The following TMEM255B variants were observed in gnomAD, a reference collection of about 807,000 sequenced individuals.
The protein encoded by TMEM255B is transmembrane protein 255B.
TMEM255B carries 35 observed loss-of-function variants against 34.5 expected under a neutral mutation model. The observed-to-expected ratio is 1.01, with a 90% CI of 0.77 to 1.34. TMEM255B has a LOEUF of 1.34. TMEM255B is among the 40% of genes most tolerant of loss of function. TMEM255B has a pLI of 0.00. For synonymous variants in TMEM255B, 206 were observed against 201.2 expected, an observed-to-expected ratio of 1.02 and a Z score of -0.20; for missense variants, 432 against 433.2, an observed-to-expected ratio of 1.00 and a Z score of 0.02.
chr13:113,811,673 T>A, intron 8 of TMEM255B, 63 bp from the exon 9 acceptor site: 4 of 1,593,030 alleles, frequency 2.5e-6, no homozygotes, highest in Non-Finnish European at 2.6e-6. Flanking sequence ...ATGTCAGGCT[T>A]CCCTGTGGTC....
chr13:113,783,578 G>A (rs1337612131), intron 3 of TMEM255B, among the ~76,000 whole-genome samples: 2 of 152,176 alleles, frequency 1.3e-5, no homozygotes, highest in Non-Finnish European at 2.9e-5. Flanking sequence ...CAAGTCAGAC[G>A]TGGAGAAAAT....
At chr13:113,801,016 T>C (rs3934938) in intron 6 of TMEM255B, 104 bp downstream of exon 6, 5,867 of 354,970 alleles carry the variant, frequency 0.017, 78 homozygotes, top group African/African-American at 0.055. Flanking sequence ...TGGGGACCCC[T>C]ATATCTACAC....
chr13:113,805,334 C>T (rs1310572957), intron 8 of TMEM255B, among the ~76,000 whole-genome samples: 1 of 152,214 alleles, frequency 6.6e-6, no homozygotes, highest in African/African-American at 2.4e-5. Flanking sequence ...GAGGCTCCTG[C>T]GTTTGTCTGC....
chr13:113,815,161 A>C lies in TMEM255B; in HGVS notation c.*3258A>C, dbSNP rs914021892. On this transcript the variant is annotated 3_prime_UTR_variant, in exon 9 of 9. Transcript: ENST00000375353. Reference sequence around the variant, plus strand: ...TACATTTCACACAGCAGCACTGCTCACAAGAGCTCCCAAGCAGAGGCAACT... The same window carrying C: ...TACATTTCACACAGCAGCACTGCTCCCAAGAGCTCCCAAGCAGAGGCAACT... 18 of 152,166 alleles carry C rather than the reference A, an allele frequency of 1.2e-4. No homozygotes were observed. The highest frequency in any genetic ancestry group is 4.4e-4 in the African/African-American group (18 of 41,374). The allele number at this position is 152,166 out of a possible 1,614,324, so 9.4% of individuals were successfully genotyped here. A position where few individuals can be genotyped will look rare whatever the true frequency, so the allele number is the denominator to read the frequency against.
chr13:113,766,329 A>C (rs750675104), intron 2 of TMEM255B, 72 bp downstream of exon 2: 1 of 1,601,930 alleles, frequency 6.2e-7, no homozygotes, highest in African/African-American at 1.3e-5. Context: ...GGTGGAGTCC[A>C]CGCCAGCTCA....
Position 113,815,393 on chromosome 13 carries a change from C to G in TMEM255B, c.*3490C>G, listed in dbSNP as rs544659667. 6.6e-6 allele frequency: 1 copy of G among 152,414 alleles called. No individual in the cohort carries two copies. The highest frequency in any genetic ancestry group is 1.5e-5 in the Non-Finnish European group (1 of 68,176). The allele number at this position is 152,414 out of a possible 1,614,324, so 9.4% of individuals were successfully genotyped here. A position where few individuals can be genotyped will look rare whatever the true frequency, so the allele number is the denominator to read the frequency against. On this transcript the variant is annotated 3_prime_UTR_variant, in exon 9 of 9. Coordinates refer to ENST00000375353, the MANE Select transcript of TMEM255B (RefSeq NM_182614.4). ...TCCGTCCACATGGGGTCACCGGCCA[C>G]GGAGAGAGGAAGGGACATGGGTGAT...
At chr13:113,803,603 G>A (rs1287494126) in intron 7 of TMEM255B, among the ~76,000 whole-genome samples, 1 of 118,766 alleles carries the variant, frequency 8.4e-6, no homozygotes, top group Non-Finnish European at 2.0e-5. Context: ...CAGCTCAGAG[G>A]CCTCCCCACC....
chr13:113,778,139 G>A (rs1449653065), intron 3 of TMEM255B, among the ~76,000 whole-genome samples: 2 of 152,220 alleles, frequency 1.3e-5, no homozygotes, highest in African/African-American at 4.8e-5. Context: ...CAGCAGGATC[G>A]GTGCAGGACA....
chr13:113,766,455 G>A (rs2050392764), intron 2 of TMEM255B, 198 bp downstream of exon 2: 1 of 788,738 alleles, frequency 1.3e-6, no homozygotes, highest in South Asian at 1.5e-5. Context: ...GCAGGTCCAA[G>A]GCAGAGGGGA....
chr13:113,812,398 G>A lies in TMEM255B; in HGVS notation c.*495G>A, dbSNP rs1426165014. 1.3e-5 allele frequency: 2 copies of A among 159,864 alleles called. No individual in the cohort carries two copies. The highest frequency in any genetic ancestry group is 4.8e-5 in the African/African-American group (2 of 41,486). The allele number at this position is 159,864 out of a possible 1,614,324, so 9.9% of individuals were successfully genotyped here. On this transcript the variant is annotated 3_prime_UTR_variant, in exon 9 of 9. Transcript: ENST00000375353. ...TATGCCAGGAAGGGAAGGACGCTTC[G>A]GCTCCAACGCCCAGCGCTGTGTCTA...
intron 3 of TMEM255B, among the ~76,000 whole-genome samples, chr13:113,772,718 C>T (rs2050497982): frequency 6.6e-6 from 1 of 152,214 alleles, no homozygotes; most frequent in African/African-American, 2.4e-5. Context: ...ATTGGCCATA[C>T]ATATATGGTT....
chr13:113,760,334 A>G (rs1204651874), intron 1 of TMEM255B, among the ~76,000 whole-genome samples: 2 of 152,230 alleles, frequency 1.3e-5, no homozygotes, highest in African/African-American at 2.4e-5. Flanking sequence ...GGATTAGTCT[A>G]TTGGTGTTTA....
At chr13:113,807,023 C>T (rs1479440111) in intron 8 of TMEM255B, among the ~76,000 whole-genome samples, 1 of 152,222 alleles carries the variant, frequency 6.6e-6, no homozygotes, top group East Asian at 1.9e-4. Flanking sequence ...AGAGGAGAGA[C>T]AACACGTGGT....
chr13:113,810,015 G>A (rs560463420), intron 8 of TMEM255B, among the ~76,000 whole-genome samples: 20 of 152,276 alleles, frequency 1.3e-4, no homozygotes, highest in African/African-American at 4.8e-4. Context: ...CAGTCCCTCT[G>A]AGGAAGGGCC....
At chr13:113,772,136 A>C (rs748627961) in intron 3 of TMEM255B, among the ~76,000 whole-genome samples, 2 of 152,154 alleles carry the variant, frequency 1.3e-5, no homozygotes, top group Non-Finnish European at 2.9e-5. Flanking sequence ...GGCCGTTTGC[A>C]TATGTTCTTG....
chr13:113,801,312 G>C (rs1367241363), intron 6 of TMEM255B, among the ~76,000 whole-genome samples: 5 of 152,208 alleles, frequency 3.3e-5, no homozygotes, highest in African/African-American at 4.8e-5. Flanking sequence ...CTTGGGACAG[G>C]GGCCCGTGAC....
chr13:113,801,889 GGGCC>G lies in TMEM255B; in HGVS notation c.669+78_669+81del, dbSNP rs905417407. 3 of 1,446,938 alleles carry G rather than the reference GGGCC, an allele frequency of 2.1e-6. No individual in the cohort carries two copies. In the Admixed American group the frequency reaches 7.5e-5, roughly 36 times the overall value. 89.6% of individuals were successfully genotyped at this position (1,446,938 alleles called of 1,614,324 possible). On this transcript the variant is annotated intron_variant, in intron 7 of 8. Transcript: ENST00000375353. Reference sequence around the variant, plus strand: ...GTCCATTTCCCCGGGGTGGGCTGGGGGGCCTCCAGCCCTCACTTTACAGATGGGG... The same window carrying G: ...GTCCATTTCCCCGGGGTGGGCTGGGGTCCAGCCCTCACTTTACAGATGGGG...
chr13:113,804,147 G>A (rs2138578912), intron 7 of TMEM255B, among the ~76,000 whole-genome samples: 1 of 152,332 alleles, frequency 6.6e-6, no homozygotes, highest in African/African-American at 2.4e-5. Flanking sequence ...AAGCCCTGAA[G>A]CTTGTGTGAG....
chr13:113,797,453 C>T (rs530323041), intron 4 of TMEM255B, among the ~76,000 whole-genome samples: 63 of 152,306 alleles, frequency 4.1e-4, no homozygotes, highest in Middle Eastern at 3.4e-3. Flanking sequence ...CATGGGGTTC[C>T]GGCACACCGC....
Sources: gnomAD v4.1 joint callset for allele counts (sites outside exome capture counted in the v4.1 genomes callset) on GRCh38, gnomAD v4.1.1 for gene constraint, MANE v1.5 for transcripts, NCBI Gene and HGNC (gene_info 2026-07-23, HGNC 2026-07-21) for gene names.